The following FRMD4B variants were observed in gnomAD, a reference collection of about 807,000 sequenced individuals.
FRMD4B encodes FERM domain-containing protein 4B.
Under a neutral mutation model 141.5 loss-of-function variants are expected in FRMD4B, and 74 were observed. The observed-to-expected ratio is 0.52, with a 90% CI of 0.43 to 0.63. FRMD4B has a LOEUF of 0.63. Among genes scored for constraint, FRMD4B ranks in the 30% least tolerant of loss-of-function variants. The pLI, the probability that FRMD4B is intolerant of heterozygous loss-of-function variation, is 0.00. For synonymous variants in FRMD4B, 506 were observed against 467.9 expected (o/e 1.08, Z -1.05); for missense variants, 1,366 against 1,253.4 (o/e 1.09, Z -1.36).
At chr3:69,495,090 G>A (rs1706362914) in intron 1 of FRMD4B, among the ~76,000 whole-genome samples, 1 of 152,140 alleles carries the variant, frequency 6.6e-6, no homozygotes, top group South Asian at 2.1e-4. Flanking sequence ...TATAGACTTG[G>A]TCGCAGCATC....
At chr3:69,494,062 T>C (rs1294638835) in intron 1 of FRMD4B, among the ~76,000 whole-genome samples, 1 of 152,190 alleles carries the variant, frequency 6.6e-6, no homozygotes, top group African/African-American at 2.4e-5. Context: ...AAGAAATTTG[T>C]AGAGACAGGG....
At chr3:69,184,953 T>C (rs563887787) in intron 19 of FRMD4B, among the ~76,000 whole-genome samples, 120 of 152,326 alleles carry the variant, frequency 7.9e-4, no homozygotes, top group Middle Eastern at 3.4e-3. Flanking sequence ...TAAATGCTAA[T>C]CCACAAACTG....
intron 8 of FRMD4B, among the ~76,000 whole-genome samples, chr3:69,224,124 T>C (rs1002640323): frequency 7.9e-5 from 12 of 152,234 alleles, no homozygotes; most frequent in Admixed American, 7.2e-4. Flanking sequence ...AAATATGGGA[T>C]GAAAATGGAT....
intron 1 of FRMD4B, among the ~76,000 whole-genome samples, chr3:69,520,916 T>G (rs1460604653): frequency 6.6e-6 from 1 of 152,210 alleles, no homozygotes; most frequent in Non-Finnish European, 1.5e-5. Context: ...GCATATGGGC[T>G]TGTTCAGGTC....
intron 3 of FRMD4B, among the ~76,000 whole-genome samples, chr3:69,305,125 C>T (rs1450998633): frequency 6.6e-6 from 1 of 152,146 alleles, no homozygotes; most frequent in Non-Finnish European, 1.5e-5. Context: ...TTTCTTCTTC[C>T]CTCCACCCAC....
At chr3:69,307,926 C>T (rs1701447219) in intron 3 of FRMD4B, among the ~76,000 whole-genome samples, 2 of 152,182 alleles carry the variant, frequency 1.3e-5, no homozygotes, top group Admixed American at 6.5e-5. Context: ...ATCAGGCCAA[C>T]GTCTTCACCC....
chr3:69,319,038 C>A (rs1422992106), intron 1 of FRMD4B, among the ~76,000 whole-genome samples: 1 of 152,182 alleles, frequency 6.6e-6, no homozygotes, highest in East Asian at 1.9e-4. Flanking sequence ...CAAACACAAA[C>A]CCTGCTGTGG....
At chr3:69,534,209 T>G (rs1701048312) in intron 1 of FRMD4B, among the ~76,000 whole-genome samples, 1 of 152,234 alleles carries the variant, frequency 6.6e-6, no homozygotes. Context: ...TCCAGTACAA[T>G]CTACACTATG....
In FRMD4B at chr3:69,169,002, CAAAA is replaced by C. The variant is rs60061223; in HGVS notation, c.*2855_*2858del. On this transcript the variant is annotated 3_prime_UTR_variant, in exon 23 of 23. Transcript: ENST00000398540. ...TATATTAGGCAGAAAACAAAACAAA[CAAAA>C]AAAAATGTTGTAAAACTGTACTTGT... 0.42 allele frequency among the ~76,000 whole-genome samples: 63,770 copies of C among 151,308 alleles called. 13,789 individuals are homozygous for C. Among genetic ancestry groups the C allele is most frequent in the Admixed American group, 0.5 (7,591 of 15,196 alleles).
chr3:69,297,488 AAAC>A (rs1163525191), intron 4 of FRMD4B, among the ~76,000 whole-genome samples: 3 of 152,140 alleles, frequency 2.0e-5, no homozygotes, highest in East Asian at 1.9e-4. Context: ...ATGAAATGAA[AAAC>A]AACAACAACA....
intron 7 of FRMD4B, among the ~76,000 whole-genome samples, chr3:69,226,211 C>G (rs1052466291): frequency 6.6e-6 from 1 of 152,102 alleles, no homozygotes; most frequent in Non-Finnish European, 1.5e-5. Flanking sequence ...TCACTTGGCT[C>G]CTGTTCTTAC....
intron 2 of FRMD4B, among the ~76,000 whole-genome samples, chr3:69,422,273 G>C (rs1161673176): frequency 6.6e-6 from 1 of 151,690 alleles, no homozygotes; most frequent in Non-Finnish European, 1.5e-5. Flanking sequence ...TGTGCCTGTA[G>C]TCCCAGCTAC....
intron 22 of FRMD4B, among the ~76,000 whole-genome samples, chr3:69,173,469 G>A (rs1310251364): frequency 2.0e-5 from 3 of 151,792 alleles, no homozygotes; most frequent in South Asian, 2.1e-4. Context: ...TTGGCTTAAC[G>A]GGAAAATCTA....
At chr3:69,339,873 A>G (rs1232610125) in intron 1 of FRMD4B, among the ~76,000 whole-genome samples, 1 of 152,118 alleles carries the variant, frequency 6.6e-6, no homozygotes, top group Non-Finnish European at 1.5e-5. Flanking sequence ...GGGATTCTTG[A>G]CAGGGCAGTT....
chr3:69,466,853 A>G (rs2106934149), intron 1 of FRMD4B, among the ~76,000 whole-genome samples: 1 of 151,998 alleles, frequency 6.6e-6, no homozygotes, highest in East Asian at 1.9e-4. Context: ...GTACCACCAC[A>G]CCCAGCTAAT....
intron 16 of FRMD4B, among the ~76,000 whole-genome samples, chr3:69,194,176 CAGA>C (rs1054557662): frequency 1.3e-5 from 2 of 152,210 alleles, no homozygotes; most frequent in Non-Finnish European, 2.9e-5. Flanking sequence ...CTCATGGATG[CAGA>C]AGATTATATT....
intron 1 of FRMD4B, chr3:69,542,139 C>G (rs548706394): frequency 6.6e-6 from 1 of 151,956 alleles, no homozygotes; most frequent in Non-Finnish European, 1.5e-5. Context: ...CGGGCGCGCC[C>G]GTGGCCGCGT....
intron 1 of FRMD4B, among the ~76,000 whole-genome samples, chr3:69,494,363 G>A (rs1706352123): frequency 6.6e-6 from 1 of 152,174 alleles, no homozygotes; most frequent in Non-Finnish European, 1.5e-5. Context: ...AAAATAGCAA[G>A]TTTTATGAAT....
chr3:69,265,097 A>G (rs1426325624), intron 5 of FRMD4B, among the ~76,000 whole-genome samples: 3 of 150,410 alleles, frequency 2.0e-5, no homozygotes, highest in Non-Finnish European at 4.4e-5. Context: ...TACTAAAAAT[A>G]CAAAAAAATT....
Sources: gnomAD v4.1 joint callset for allele counts (sites outside exome capture counted in the v4.1 genomes callset) on GRCh38, gnomAD v4.1.1 for gene constraint, MANE v1.5 for transcripts, NCBI Gene and HGNC (gene_info 2026-07-23, HGNC 2026-07-21) for gene names.